The following CTNND2 variants were observed in gnomAD, a reference collection of about 807,000 sequenced individuals.
The protein encoded by CTNND2 is catenin delta 2, also known as catenin delta-2.
CTNND2 carries 22 observed loss-of-function variants against 144.4 expected under a neutral mutation model. The observed-to-expected ratio is 0.15, with a 90% CI of 0.11 to 0.22. CTNND2 has a LOEUF of 0.22. Ranked by LOEUF, CTNND2 falls within the 10% of genes least tolerant of loss-of-function variation. The pLI is 1.00. For missense variants in CTNND2, 1,353 were observed against 1,618.8 expected, an observed-to-expected ratio of 0.84 and a Z score of 2.82; for synonymous variants, 751 against 695.6, an observed-to-expected ratio of 1.08 and a Z score of -1.25.
chr5:11,246,501 A>G (rs1743019341), intron 9 of CTNND2, among the ~76,000 whole-genome samples: 1 of 152,038 alleles, frequency 6.6e-6, no homozygotes, highest in Non-Finnish European at 1.5e-5. Context: ...TCCGGGCACC[A>G]CCAGAAGCGA....
chr5:11,443,237 TGTG>T (rs1192490883), intron 3 of CTNND2, among the ~76,000 whole-genome samples: 8 of 58,210 alleles, frequency 1.4e-4, no homozygotes, highest in East Asian at 2.6e-4. Flanking sequence ...GTGTGTGTGA[TGTG>T]TGTGTGTGTG....
At chr5:11,623,832 A>G (rs1204303422) in intron 2 of CTNND2, among the ~76,000 whole-genome samples, 1 of 123,484 alleles carries the variant, frequency 8.1e-6, no homozygotes, top group Non-Finnish European at 1.7e-5. Context: ...ATATATATAT[A>G]TATATATATA....
chr5:11,473,499 CA>C (rs1330401168), intron 3 of CTNND2, among the ~76,000 whole-genome samples: 1 of 152,176 alleles, frequency 6.6e-6, no homozygotes, highest in East Asian at 1.9e-4. Context: ...GCAGCATCAT[CA>C]ATGGTTTCCA....
intron 6 of CTNND2, among the ~76,000 whole-genome samples, chr5:11,390,320 C>T (rs934209053): frequency 6.6e-6 from 1 of 152,182 alleles, no homozygotes; most frequent in South Asian, 2.1e-4. Context: ...AGCACATTTG[C>T]TTCCAGATTC....
chr5:11,174,106 G>T (rs1161844882), intron 11 of CTNND2, among the ~76,000 whole-genome samples: 1 of 152,156 alleles, frequency 6.6e-6, no homozygotes, highest in Non-Finnish European at 1.5e-5. Flanking sequence ...TTCTGGCCTT[G>T]AGCACAGAGG....
Position 11,555,998 on chromosome 5 carries a change from A to G in CTNND2, c.287+8946T>C, listed in dbSNP as rs542941427. Among the ~76,000 whole-genome samples the G allele has an allele frequency of 2.0e-5, 3 of 152,322 alleles. No homozygotes were observed. In the South Asian group the frequency reaches 6.2e-4, roughly 32 times the overall value. ...ACTGCAATGTTAATTCTGAATGACA[A>G]TTCAATAAACTAATTGTCTTGTTTA... On this transcript the variant is annotated intron_variant, in intron 3 of 21. Coordinates refer to ENST00000304623, the MANE Select transcript of CTNND2 (RefSeq NM_001332.4).
chr5:11,334,649 G>A (rs556554642), intron 9 of CTNND2, among the ~76,000 whole-genome samples: 1 of 152,156 alleles, frequency 6.6e-6, no homozygotes, highest in Non-Finnish European at 1.5e-5. Context: ...GAACCACTGG[G>A]CTGCATTTCA....
At chr5:11,449,726 A>C (rs1765135293) in intron 3 of CTNND2, among the ~76,000 whole-genome samples, 1 of 152,208 alleles carries the variant, frequency 6.6e-6, no homozygotes, top group Non-Finnish European at 1.5e-5. Flanking sequence ...TCTATATGAA[A>C]TTTTATAATT....
chr5:11,533,524 G>A (rs1204613202), intron 3 of CTNND2, among the ~76,000 whole-genome samples: 2 of 152,226 alleles, frequency 1.3e-5, no homozygotes, highest in African/African-American at 2.4e-5. Flanking sequence ...GGTCCAGTGT[G>A]AGCCAGCAGA....
intron 12 of CTNND2, among the ~76,000 whole-genome samples, chr5:11,132,533 GGA>G (rs1356423437): frequency 1.3e-5 from 2 of 152,122 alleles, no homozygotes; most frequent in African/African-American, 4.8e-5. Flanking sequence ...CTGCAACCCA[GGA>G]GAGAGTCCTC....
intron 3 of CTNND2, among the ~76,000 whole-genome samples, chr5:11,509,467 A>G (rs1267803406): frequency 6.6e-6 from 1 of 152,208 alleles, no homozygotes; most frequent in Non-Finnish European, 1.5e-5. Flanking sequence ...TTTAAGGGCA[A>G]AAAAGGCAAA....
intron 5 of CTNND2, 94 bp from the exon 6 acceptor site, chr5:11,397,297 T>C (rs1760237231): frequency 2.0e-6 from 2 of 1,007,012 alleles, no homozygotes; most frequent in Admixed American, 2.8e-5. Flanking sequence ...AATTATCTCA[T>C]GCACATGATT....
intron 1 of CTNND2, among the ~76,000 whole-genome samples, chr5:11,885,213 T>A (rs1736429788): frequency 6.6e-6 from 1 of 152,142 alleles, no homozygotes; most frequent in African/African-American, 2.4e-5. Flanking sequence ...CCCTTCAATT[T>A]TTTGGACTAG....
chr5:11,752,690 G>A (rs1004541879), intron 1 of CTNND2, among the ~76,000 whole-genome samples: 8 of 151,412 alleles, frequency 5.3e-5, no homozygotes, highest in African/African-American at 1.9e-4. Flanking sequence ...CGTTCTATAT[G>A]CTTTATACAA....
intron 18 of CTNND2, among the ~76,000 whole-genome samples, chr5:11,017,160 T>TA (rs55739159): frequency 0.048 from 6,983 of 146,504 alleles, 187 homozygotes; most frequent in Non-Finnish European, 0.069. Context: ...TGGGAAATGT[T>TA]AAAAAAAAAA....
At chr5:11,689,137 T>C (rs1198194079) in intron 2 of CTNND2, among the ~76,000 whole-genome samples, 1 of 152,208 alleles carries the variant, frequency 6.6e-6, no homozygotes, top group Non-Finnish European at 1.5e-5. Context: ...AGGGCAGCTG[T>C]AGCACCAATC....
rs6879335 is a variant in CTNND2, at chr5:11,770,415, A to G, written c.38-38143T>C. On this transcript the variant is annotated intron_variant, in intron 1 of 21. Coordinates refer to ENST00000304623, the MANE Select transcript of CTNND2 (RefSeq NM_001332.4). ...TGGTATTAAAACAGAAAAAAAGGAA[A>G]GAAGGAAGGAAGGAAGGAAGGAAGG... 0.024 allele frequency among the ~76,000 whole-genome samples: 241 copies of G among 9,966 alleles called. 50 individuals carry two copies. In the South Asian group the frequency reaches 0.81, roughly 34 times the overall value. The allele number at this position is 9,966 out of a possible 152,430, so 6.5% of individuals were successfully genotyped here. A position where few individuals can be genotyped will look rare whatever the true frequency, so the allele number is the denominator to read the frequency against.
intron 2 of CTNND2, among the ~76,000 whole-genome samples, chr5:11,627,371 T>C (rs1781211180): frequency 6.6e-6 from 1 of 152,182 alleles, no homozygotes; most frequent in South Asian, 2.1e-4. Flanking sequence ...ATGCTCTCTA[T>C]TGTGCCCTTT....
At chr5:11,490,375 T>C (rs1457165893) in intron 3 of CTNND2, among the ~76,000 whole-genome samples, 1 of 152,222 alleles carries the variant, frequency 6.6e-6, no homozygotes, top group Non-Finnish European at 1.5e-5. Context: ...AATTAAAATG[T>C]AGTTTCCATA....
Sources: gnomAD v4.1 joint callset for allele counts (sites outside exome capture counted in the v4.1 genomes callset) on GRCh38, gnomAD v4.1.1 for gene constraint, MANE v1.5 for transcripts, NCBI Gene and HGNC (gene_info 2026-07-23, HGNC 2026-07-21) for gene names.